The following TTN variants were observed in gnomAD, a reference collection of about 807,000 sequenced individuals.
TTN encodes connectin.
Under a neutral mutation model 3,223.0 loss-of-function variants are expected in TTN, and 1,525 were observed. The ratio of observed to expected loss-of-function variants is 0.47; its 90% CI spans 0.45 to 0.49. The LOEUF is 0.49. Among genes scored for constraint, TTN ranks in the 20% least tolerant of loss-of-function variants. The probability of loss-of-function intolerance (pLI) is 0.00; values close to 1 mark genes in which losing one functional copy is unlikely to be tolerated. For missense variants in TTN, 40,786 were observed against 43,424.0 expected, an observed-to-expected ratio of 0.94 and a Z score of 5.40; for synonymous variants, 14,094 against 15,161.0, an observed-to-expected ratio of 0.93 and a Z score of 5.17.
At position 178,727,265 on chromosome 2, in the gene TTN, C is replaced by T; in HGVS notation, c.20100G>A (p.Val6700=). Residue 6700 remains valine, a synonymous_variant, in exon 69 of 363, where the codon GTG becomes GTA. Coordinates refer to ENST00000589042, the MANE Select transcript of TTN (RefSeq NM_001267550.2). The stretch of plus-strand genomic sequence containing the variant: ...GAAGTTCATGTTCATTTCGGAACCA[C>T]ACAACTCTGATTTCTGGGGATCCAG... The part of the protein sequence containing the change: ...KIAGSPEIRV[V]WFRNEHELPA... The T allele has an allele frequency of 3.7e-6, 6 of 1,613,146 alleles. No homozygotes were observed. The highest frequency in any genetic ancestry group is 1.3e-5 in the African/African-American group (1 of 74,978).
chr2:178,562,152 C>T lies in TTN; in HGVS notation c.83980G>A (p.Val27994Met), dbSNP rs572706568. Residue 27994 changes from valine to methionine, a missense_variant, in exon 326 of 363, where the codon GTG becomes ATG. Physicochemically the swap from Val to Met is conservative, Grantham distance 21. Transcript: ENST00000589042. ...VPFKGRPQAT[V>M]NWRKDGQTLK... ...GTCTGACCATCTTTTCTCCAGTTCACAGTAGCTTGAGGTCTTCCTTTGAAT... is the reference window on the plus strand; with the variant it reads ...GTCTGACCATCTTTTCTCCAGTTCATAGTAGCTTGAGGTCTTCCTTTGAAT... 1 of 1,613,212 alleles carries T rather than the reference C, an allele frequency of 6.2e-7. No individual in the cohort carries two copies. The highest frequency in any genetic ancestry group is 2.2e-5 in the East Asian group (1 of 44,718).
rs1686612244 is a variant in TTN, at chr2:178,526,858, A to G, written c.*154T>C. ...ATATTCTTAGGTCAACAATTATGAA[A>G]AGATTGAAATGAATATTTTTGAACT... is the stretch of plus-strand genomic sequence containing the variant. On this transcript the variant is annotated 3_prime_UTR_variant, in exon 363 of 363. Coordinates refer to ENST00000589042, the MANE Select transcript of TTN (RefSeq NM_001267550.2). The G allele has an allele frequency of 1.5e-6, 1 of 646,194 alleles. No homozygotes were observed. 40.0% of individuals were successfully genotyped at this position (646,194 alleles called of 1,614,324 possible).
chr2:178,548,048 C>T lies in TTN; in HGVS notation c.93578G>A (p.Gly31193Asp). The change falls in exon 339 of 363, where the codon GGC becomes GAC. Residue 31193 changes from glycine (G) to aspartate (D), a missense_variant. Physicochemically the swap from Gly to Asp is moderately conservative, Grantham distance 94 (BLOSUM62 -1). Coordinates refer to ENST00000589042, the MANE Select transcript of TTN (RefSeq NM_001267550.2). The surrounding 1 kb of genome is among the most constrained non-coding windows in gnomAD (Gnocchi z 4.3). ...EFRVKAKNDAGYSEPREAFSS... is the reference protein window; with the variant it reads ...EFRVKAKNDADYSEPREAFSS... ...GAAGGCTTCTCTGGGTTCACTATAG[C>T]CAGCATCATTCTTGGCCTTCACACG... The T allele has an allele frequency of 6.2e-7, 1 of 1,613,812 alleles. No individual in the cohort carries two copies. The highest frequency in any genetic ancestry group is 8.5e-7 in the Non-Finnish European group (1 of 1,179,808).
Position 178,631,252 on chromosome 2 carries a change from T to C in TTN, c.43796A>G (p.Glu14599Gly), listed in dbSNP as rs918346918. ...TGKLQDYTGV[E>G]KDEVILQCEI... is the part of the protein sequence containing the mutation. The stretch of plus-strand genomic sequence containing the variant: ...ACACTGTAGAATAACTTCATCTTTC[T>C]CTACACCAGTATAATCTTGAAGTTT... The change falls in exon 237 of 363, where the codon GAG becomes GGG. Residue 14599 changes from glutamate to glycine, a missense_variant. By Grantham distance (98) the Glu-to-Gly change is moderately conservative. Transcript: ENST00000589042. The C allele has an allele frequency of 6.2e-7, 1 of 1,612,162 alleles. No individual in the cohort carries two copies.
intron 343 of TTN, 26 bp downstream of exon 343, chr2:178,545,794 A>G (rs1696808679): frequency 3.1e-6 from 5 of 1,604,726 alleles, no homozygotes; most frequent in Non-Finnish European, 4.3e-6. Flanking sequence ...TCAACTGTCA[A>G]ATTATTTAAA....
rs760706351 is a variant in TTN at position 178,591,757 on chromosome 2, G to A, written c.60062C>T (p.Thr20021Ile). ...GYLVEYQEEG[T>I]QDWIKFKTVT... ...AGTCTTAAATTTAATCCAGTCCTGG[G>A]TGCCTTCTTCTTGATATTCTACCAA... The change falls in exon 303 of 363, where the codon ACC becomes ATC. Residue 20021 changes from threonine to isoleucine, a missense_variant. Physicochemically the swap from Thr to Ile is moderately conservative, Grantham distance 89 (BLOSUM62 -1). Transcript: ENST00000589042. The A allele has an allele frequency of 4.3e-6, 7 of 1,613,126 alleles. No homozygotes were observed. In the East Asian group the frequency reaches 1.3e-4, roughly 31 times the overall value.
Position 178,549,590 on chromosome 2 carries a change from A to G in TTN, c.92132T>C (p.Val30711Ala). 5 of 1,613,086 alleles carry G rather than the reference A, an allele frequency of 3.1e-6. No individual in the cohort carries two copies. Among genetic ancestry groups the G allele is most frequent in the Non-Finnish European group, 4.2e-6 (5 of 1,179,110 alleles). ...CTTACTATATTGTATTTGAGCAACCACTGGATCAGAATCAAGTGGCCTGCC... is the reference window on the plus strand; with the variant it reads ...CTTACTATATTGTATTTGAGCAACCGCTGGATCAGAATCAAGTGGCCTGCC... ...GVGRPLDSDP[V>A]VAQIQYTVPD... Residue 30711 changes from valine (V) to alanine (A), a missense_variant, in exon 338 of 363, where the codon GTG becomes GCG. Physicochemically the swap from Val to Ala is moderately conservative, Grantham distance 64. Transcript: ENST00000589042.
chr2:178,650,830 T>C lies in TTN; in HGVS notation c.39630A>G (p.Pro13210=). Residue 13210 remains proline (P), a synonymous_variant, in exon 209 of 363, where the codon CCA becomes CCG. Transcript: ENST00000589042. ...KKPEVPPAKV[P]EVPKKPVLEE... ...CCAAGACAGGTTTCTTTGGCACTTC[T>C]GGCACTTTAAAGATATTAATTCATT... The C allele has an allele frequency of 6.2e-7, 1 of 1,603,454 alleles. No homozygotes were observed. The highest frequency in any genetic ancestry group is 8.5e-7 in the Non-Finnish European group (1 of 1,174,470).
chr2:178,750,384 C>T (rs769948150), intron 47 of TTN: 7 of 1,612,764 alleles, frequency 4.3e-6, no homozygotes, highest in Non-Finnish European at 5.9e-6. Context: ...TGATGATGAA[C>T]AGATGAAAGA....
rs1051510859 is a variant in TTN at position 178,741,668 on chromosome 2, A to T, written c.11565T>A (p.Phe3855Leu). The T allele has an allele frequency of 1.9e-5, 30 of 1,613,734 alleles. No individual in the cohort carries two copies. The African/African-American group carries it at 3.3e-4, about 18-fold the overall frequency. Residue 3855 changes from phenylalanine to leucine, a missense_variant, in exon 48 of 363, where the codon TTT (phenylalanine) becomes TTA (leucine). Phe to Leu is a conservative substitution (Grantham distance 22, BLOSUM62 0). Coordinates refer to ENST00000589042, the MANE Select transcript of TTN (RefSeq NM_001267550.2). ...GIPKPKIQWF[F>L]NGVLLTPSAD... ...CAGAAGGGGTTAATAGCACTCCATT[A>T]AAGAACCACTGAATTTTAGGTTTGG...
chr2:178,527,353 A>G (rs16866373), intron 362 of TTN, 46 bp from the exon 363 acceptor site: 7 of 1,562,098 alleles, frequency 4.5e-6, no homozygotes, highest in Non-Finnish European at 6.1e-6. Flanking sequence ...TCACTGAAAA[A>G]AATAAAGATT....
At chr2:178,689,469 G>A (rs373445803) in intron 123 of TTN, 46 bp downstream of exon 123, 4 of 1,600,828 alleles carry the variant, frequency 2.5e-6, no homozygotes, top group East Asian at 4.5e-5. Flanking sequence ...AATTAAAGAG[G>A]CTTGAAGGAA....
In TTN at chr2:178,715,602, C is replaced by T. The variant is rs1308045816; in HGVS notation, c.25812G>A (p.Val8604=). 1.2e-6 allele frequency: 2 copies of T among 1,613,528 alleles called. No individual in the cohort carries two copies. Among genetic ancestry groups the T allele is most frequent in the Non-Finnish European group, 8.5e-7 (1 of 1,179,670 alleles). The stretch of plus-strand genomic sequence containing the variant: ...TGAGATTGTGCATTTCCAGCACAGC[C>T]ACCGAGTCAACGAATGACATTCTGA... ...SKFRMSFVDS[V]AVLEMHNLSV... The change falls in exon 89 of 363, where the codon GTG becomes GTA. Residue 8604 remains valine, a synonymous_variant. Coordinates refer to ENST00000589042, the MANE Select transcript of TTN (RefSeq NM_001267550.2).
chr2:178,615,652 G>A lies in TTN; in HGVS notation c.48449C>T (p.Ser16150Leu). The change falls in exon 258 of 363, where the codon TCA becomes TTA. Residue 16150 changes from serine (S) to leucine (L), a missense_variant. By Grantham distance (145) the Ser-to-Leu change is moderately radical (BLOSUM62 -2). Coordinates refer to ENST00000589042, the MANE Select transcript of TTN (RefSeq NM_001267550.2). ...AAGAATGTACTCACTTGCAGGAGTTGACATATTTACAGGTTCATCAACATA... is the reference window on the plus strand; with the variant it reads ...AAGAATGTACTCACTTGCAGGAGTTAACATATTTACAGGTTCATCAACATA... ...PAYVDEPVNM[S>L]TPATVPDPPE... 6.2e-7 allele frequency: 1 copy of A among 1,612,304 alleles called. No homozygotes were observed. The highest frequency in any genetic ancestry group is 8.5e-7 in the Non-Finnish European group (1 of 1,178,906).
rs1019464699 is a variant in TTN at position 178,533,724 on chromosome 2, T to G, written c.102891A>C (p.Lys34297Asn). The G allele has an allele frequency of 1.2e-6, 2 of 1,613,822 alleles. No homozygotes were observed. Among genetic ancestry groups the G allele is most frequent in the Non-Finnish European group, 1.7e-6 (2 of 1,179,872 alleles). Reference protein sequence around the residue: ...PHVTWYKSGQKIKPGDNDKKY... With the variant: ...PHVTWYKSGQNIKPGDNDKKY... ...TCTTGTCATTGTCACCTGGTTTGAT[T>G]TTCTGACCTGATTTATACCATGTTA... The change falls in exon 358 of 363, where the codon AAA (lysine) becomes AAC (asparagine). Residue 34297 changes from lysine to asparagine, a missense_variant. Physicochemically the swap from Lys to Asn is moderately conservative, Grantham distance 94. Transcript: ENST00000589042.
rs369529493 is a variant in TTN, at chr2:178,712,827, G to C, written c.27198C>G (p.Asn9066Lys). Residue 9066 changes from asparagine to lysine, a missense_variant, in exon 94 of 363, where the codon AAC becomes AAG. By Grantham distance (94) the Asn-to-Lys change is moderately conservative. Coordinates refer to ENST00000589042, the MANE Select transcript of TTN (RefSeq NM_001267550.2). ...SSELVPGDRC[N>K]VSLEDSVAEL... ...CAGCAACTGAATCCTCCAAAGACAC[G>C]TTGCATCTGTCACCTGGTACTAGTT... 72 of 1,613,622 alleles carry C rather than the reference G, an allele frequency of 4.5e-5. No individual in the cohort carries two copies. The highest frequency in any genetic ancestry group is 5.5e-5 in the Non-Finnish European group (65 of 1,179,776).
At chr2:178,717,843 A>C (rs1389884210) in intron 86 of TTN, 33 bp from the exon 87 acceptor site, 8 of 1,576,364 alleles carry the variant, frequency 5.1e-6, no homozygotes, top group Non-Finnish European at 6.9e-6. Context: ...CCTTATTTAC[A>C]GGTGAGAAGG....
At chr2:178,622,831 A>C in intron 242 of TTN, 64 bp from the exon 243 acceptor site, 1 of 1,212,600 alleles carries the variant, frequency 8.2e-7, no homozygotes, top group South Asian at 1.4e-5. Flanking sequence ...ACATTACCAT[A>C]GTATACATTA....
At chr2:178,600,018 G>A (rs1174847487) in intron 288 of TTN, among the ~76,000 whole-genome samples, 168 bp from the exon 289 acceptor site, 3 of 151,990 alleles carry the variant, frequency 2.0e-5, no homozygotes, top group Admixed American at 6.6e-5. Context: ...AGTTTGGGGA[G>A]CAGGTACACG....
Sources: gnomAD v4.1 joint callset for allele counts (sites outside exome capture counted in the v4.1 genomes callset) on GRCh38, gnomAD v4.1.1 for gene constraint, Gnocchi (gnomAD v3.1) non-coding constraint, MANE v1.5 for transcripts, NCBI Gene and HGNC (gene_info 2026-07-23, HGNC 2026-07-21) for gene names.